The following ZNF723 variants were observed in gnomAD, a reference collection of about 807,000 sequenced individuals.
The protein encoded by ZNF723 is zinc finger protein 723, pseudogene.
A neutral mutation model predicts 9.4 loss-of-function variants in ZNF723; 5 were observed. The ratio of observed to expected loss-of-function variants is 0.53; its 90% CI spans 0.28 to 1.12. The LOEUF is 1.12. ZNF723 is among the 50% of genes most tolerant of loss of function. The pLI, the probability that ZNF723 is intolerant of heterozygous loss-of-function variation, is 0.10. For synonymous variants in ZNF723, 158 were observed against 168.8 expected, an observed-to-expected ratio of 0.94 and a Z score of 0.49; for missense variants, 450 against 501.5, an observed-to-expected ratio of 0.90 and a Z score of 0.98.
chr19:22,852,915 C>T (rs948450388), intron 3 of ZNF723, among the ~76,000 whole-genome samples: 2 of 151,812 alleles, frequency 1.3e-5, no homozygotes, highest in Non-Finnish European at 2.9e-5. Flanking sequence ...TTATGACTGG[C>T]TCGTTTCATT....
In ZNF723 at chr19:22,848,241, T is replaced by C; in HGVS notation, c.4-20T>C. 2 of 929,238 alleles carry C rather than the reference T, an allele frequency of 2.2e-6. No homozygotes were observed. The highest frequency in any genetic ancestry group is 3.3e-6 in the Non-Finnish European group (2 of 597,062). 57.6% of individuals were successfully genotyped at this position (929,238 alleles called of 1,614,324 possible). ...CACCCGGTAAATATGTGTGTATGTG[T>C]GTGTGTGTTTTTTTTTCAGGGACCA... On this transcript the variant is annotated intron_variant, in intron 1 of 3. Transcript: ENST00000600766.
intron 1 of ZNF723, among the ~76,000 whole-genome samples, chr19:22,838,205 CTG>C (rs1278077754): frequency 6.6e-6 from 1 of 152,136 alleles, no homozygotes; most frequent in African/African-American, 2.4e-5. Context: ...GCCTCAGTGT[CTG>C]TTGTTTTCCC....
chr19:22,858,538 C>T lies in ZNF723; in HGVS notation c.*105C>T, dbSNP rs747830826. 8 of 560,134 alleles carry T rather than the reference C, an allele frequency of 1.4e-5. No individual in the cohort carries two copies. The highest frequency in any genetic ancestry group is 8.1e-5 in the South Asian group (3 of 37,044). 34.7% of individuals were successfully genotyped at this position (560,134 alleles called of 1,614,324 possible). A position where few individuals can be genotyped will look rare whatever the true frequency, so the allele number is the denominator to read the frequency against. ...ATCCCAGCACTTTGGGAGGCCGAGG[C>T]GGGCAGATCACCTGAGGTCAGGAGT... On this transcript the variant is annotated 3_prime_UTR_variant, in exon 4 of 4. Transcript: ENST00000600766.
intron 1 of ZNF723, among the ~76,000 whole-genome samples, chr19:22,840,002 G>T (rs950707942): frequency 1.3e-5 from 2 of 151,900 alleles, no homozygotes; most frequent in South Asian, 4.1e-4. Flanking sequence ...AGTATTTTAT[G>T]GATTGTGGAT....
At chr19:22,852,713 G>A (rs1475427967) in intron 3 of ZNF723, among the ~76,000 whole-genome samples, 5 of 151,926 alleles carry the variant, frequency 3.3e-5, no homozygotes, top group Admixed American at 1.3e-4. Context: ...TTAAATATTC[G>A]GTTTAGTCAT....
In ZNF723 at chr19:22,857,584, T is replaced by G; in HGVS notation, c.693T>G (p.Cys231Trp). Reference sequence around the variant, plus strand: ...ATACTGGAGAGAAACCCTACAAATGTGAAGAATGTGGCAAAGCCTTTAATG... The same window carrying G: ...ATACTGGAGAGAAACCCTACAAATGGGAAGAATGTGGCAAAGCCTTTAATG... Reference protein sequence around the residue: ...RIHTGEKPYKCEECGKAFNVS... With the variant: ...RIHTGEKPYKWEECGKAFNVS... Residue 231 changes from cysteine to tryptophan, a missense_variant, in exon 4 of 4, where the codon TGT (cysteine) becomes TGG (tryptophan). Physicochemically the swap from Cys to Trp is radical, Grantham distance 215 (BLOSUM62 -2). Transcript: ENST00000600766. The G allele has an allele frequency of 7.4e-7, 1 of 1,344,346 alleles. No individual in the cohort carries two copies. The highest frequency in any genetic ancestry group is 1.4e-5 in the African/African-American group (1 of 69,788). 83.3% of individuals were successfully genotyped at this position (1,344,346 alleles called of 1,614,324 possible).
chr19:22,858,504 AC>A lies in ZNF723; in HGVS notation c.*72del, dbSNP rs1967518026. The stretch of plus-strand genomic sequence containing the variant: ...TGCTGGTGGCCAGGCACAGTAGCTT[AC>A]GCCTGTAATCCCAGCACTTTGGGAG... On this transcript the variant is annotated 3_prime_UTR_variant, in exon 4 of 4. Transcript: ENST00000600766. 5 of 603,756 alleles carry A rather than the reference AC, an allele frequency of 8.3e-6. No homozygotes were observed. In the South Asian group the frequency reaches 1.1e-4, roughly 13 times the overall value. 37.4% of individuals were successfully genotyped at this position (603,756 alleles called of 1,614,324 possible).
intron 1 of ZNF723, chr19:22,840,846 C>T (rs541630650): frequency 7.9e-5 from 12 of 152,326 alleles, no homozygotes; most frequent in African/African-American, 2.6e-4. Context: ...GAGGCTGAAA[C>T]ACTGCTCCCA....
upstream of ZNF723, among the ~76,000 whole-genome samples, chr19:22,831,058 C>T (rs1313097021): frequency 1.3e-5 from 2 of 152,122 alleles, no homozygotes; most frequent in Non-Finnish European, 2.9e-5. Flanking sequence ...CCACCGTGCC[C>T]GGCCATAGCA....
At chr19:22,823,801 G>A in the ZNF723 span, among the ~76,000 whole-genome samples, 56,599 of 152,152 alleles carry the variant, frequency 0.37, 10,993 homozygotes, top group African/African-American at 0.51. Context: ...TCCAGCACGT[G>A]GGTGATGTGA....
chr19:22,852,491 T>C (rs888791984), intron 3 of ZNF723, among the ~76,000 whole-genome samples: 7 of 152,174 alleles, frequency 4.6e-5, no homozygotes, highest in African/African-American at 1.7e-4. Flanking sequence ...GTATATTTTT[T>C]GTGTAGGTTT....
intron 3 of ZNF723, among the ~76,000 whole-genome samples, chr19:22,851,048 A>G (rs1967388251): frequency 6.6e-6 from 1 of 152,080 alleles, no homozygotes. Context: ...ATGTAGGCAG[A>G]TTTAAGTGTT....
chr19:22,823,849 T>C, the ZNF723 span, among the ~76,000 whole-genome samples: 96 of 152,336 alleles, frequency 6.3e-4, 1 homozygote, highest in Middle Eastern at 3.4e-3. Flanking sequence ...ACAAGAAAGA[T>C]TGTGTCATAT....
chr19:22,824,542 G>A, the ZNF723 span, among the ~76,000 whole-genome samples: 5 of 152,056 alleles, frequency 3.3e-5, no homozygotes, highest in Non-Finnish European at 5.9e-5. Context: ...TGGGCAACAG[G>A]TAAAGTCTTC....
upstream of ZNF723, among the ~76,000 whole-genome samples, chr19:22,828,937 C>G (rs1354180105): frequency 6.6e-6 from 1 of 152,078 alleles, no homozygotes; most frequent in African/African-American, 2.4e-5. Flanking sequence ...CTTTGGGAGG[C>G]TGAGGTGGGT....
At chr19:22,821,227 C>T in the ZNF723 span, among the ~76,000 whole-genome samples, 7 of 152,072 alleles carry the variant, frequency 4.6e-5, no homozygotes, top group East Asian at 3.9e-4. Context: ...TGCTTGCAGG[C>T]GTGATTGTGA....
chr19:22,836,003 A>T (rs980464638), intron 1 of ZNF723, among the ~76,000 whole-genome samples: 1 of 152,160 alleles, frequency 6.6e-6, no homozygotes, highest in Non-Finnish European at 1.5e-5. Context: ...TTTCCTTCAT[A>T]TGAACACTGT....
chr19:22,830,867 A>T (rs112541412), upstream of ZNF723, among the ~76,000 whole-genome samples: 1,166 of 152,126 alleles, frequency 7.7e-3, 14 homozygotes, highest in African/African-American at 0.026. Context: ...GGTTGAAGCA[A>T]TTCTCCTGCC....
At chr19:22,814,788 C>T in the ZNF723 span, among the ~76,000 whole-genome samples, 1 of 152,136 alleles carries the variant, frequency 6.6e-6, no homozygotes, top group African/African-American at 2.4e-5. Context: ...GGAATTGTGG[C>T]ATATCACTGA....
Sources: allele counts gnomAD v4.1 joint callset (sites outside exome capture counted in the v4.1 genomes callset), GRCh38; gene constraint gnomAD v4.1.1; transcripts MANE v1.5; gene names NCBI Gene and HGNC (gene_info 2026-07-23, HGNC 2026-07-21).